EPB41L3: variants seen among roughly 807,000 people sequenced by gnomAD.
EPB41L3 encodes band 4.1-like protein 3.
EPB41L3 carries 57 observed loss-of-function variants against 127.1 expected under a neutral mutation model. The observed-to-expected ratio is 0.45, with a 90% confidence interval of 0.36 to 0.56. EPB41L3 has a LOEUF of 0.56. Among genes scored for constraint, EPB41L3 ranks in the 20% least tolerant of loss-of-function variants. The pLI is 0.00. For missense variants in EPB41L3, 1,273 were observed against 1,372.2 expected, an observed-to-expected ratio of 0.93 and a Z score of 1.14; for synonymous variants, 572 against 549.5, an observed-to-expected ratio of 1.04 and a Z score of -0.57.
intron 14 of EPB41L3, 53 bp downstream of exon 14, chr18:5,410,513 C>T (rs2076062489): frequency 2.2e-6 from 3 of 1,381,350 alleles, no homozygotes; most frequent in Non-Finnish European, 3.1e-6. Context: ...AGAGCCACCC[C>T]ACAAGGCATT....
intron 9 of EPB41L3, 146 bp downstream of exon 9, chr18:5,428,167 G>A: frequency 1.2e-6 from 1 of 832,026 alleles, no homozygotes; most frequent in Non-Finnish European, 1.9e-6. Flanking sequence ...TGTTTATTGG[G>A]CAAACCTACA....
chr18:5,547,289 C>G (rs10853333), upstream of EPB41L3, among the ~76,000 whole-genome samples: 83,973 of 152,114 alleles, frequency 0.55, 25,986 homozygotes, highest in Non-Finnish European at 0.68. Context: ...TGTAACCCCC[C>G]TTGTGGTGCT....
chr18:5,614,770 A>G (rs113721498), intron 1 of EPB41L3, among the ~76,000 whole-genome samples: 1,755 of 152,346 alleles, frequency 0.012, 21 homozygotes, highest in Non-Finnish European at 0.018. Flanking sequence ...GTGAGTTGTA[A>G]CTTTAGTGTC....
chr18:5,488,001 T>C (rs1450907597), intron 2 of EPB41L3, among the ~76,000 whole-genome samples: 2 of 152,178 alleles, frequency 1.3e-5, no homozygotes, highest in African/African-American at 4.8e-5. Flanking sequence ...CTTTACCACA[T>C]ACAAATCGGC....
intron 2 of EPB41L3, among the ~76,000 whole-genome samples, chr18:5,479,171 C>G (rs1372298948): frequency 1.3e-5 from 2 of 152,218 alleles, no homozygotes; most frequent in East Asian, 1.9e-4. Flanking sequence ...GTATACCAAT[C>G]TCTTTGGAAA....
At chr18:5,491,617 G>A (rs2148347453) in intron 1 of EPB41L3, among the ~76,000 whole-genome samples, 1 of 152,176 alleles carries the variant, frequency 6.6e-6, no homozygotes, top group Non-Finnish European at 1.5e-5. Context: ...CTTACCTGTT[G>A]TATATCACAC....
At chr18:5,495,479 C>T (rs2091072409) in intron 1 of EPB41L3, among the ~76,000 whole-genome samples, 1 of 151,022 alleles carries the variant, frequency 6.6e-6, no homozygotes, top group African/African-American at 2.4e-5. Flanking sequence ...CACATTCAGA[C>T]AGGTTACCTC....
rs183806050 is a variant in EPB41L3, at chr18:5,595,706, A to T, written c.-306+16634T>A. On this transcript the variant is annotated intron_variant, in intron 3 of 21. Transcript: ENST00000545076. ...GATACATACTACATACTTGATTTTTAAAAAAAGGCAACTGTAGTAAATTTA... is the reference window on the plus strand; with the variant it reads ...GATACATACTACATACTTGATTTTTTAAAAAAGGCAACTGTAGTAAATTTA... 1.1e-3 allele frequency among the ~76,000 whole-genome samples: 164 copies of T among 152,220 alleles called. No homozygotes were observed. The East Asian group carries it at 0.016, about 15-fold the overall frequency.
At chr18:5,423,612 T>C in intron 10 of EPB41L3, 59 bp from the exon 11 acceptor site, 1 of 1,462,132 alleles carries the variant, frequency 6.8e-7, no homozygotes, top group South Asian at 1.4e-5. Context: ...GAGAGTGCTT[T>C]TTAAACTTTT....
Position 5,612,165 on chromosome 18 carries a change from G to GGAAA in EPB41L3, c.-306+171_-306+174dup, listed in dbSNP as rs1156925525. Among the ~76,000 whole-genome samples the GGAAA allele has an allele frequency of 4.0e-5, 6 of 151,640 alleles. 1 individual carries two copies. The highest frequency in any genetic ancestry group is 2.0e-4 in the Admixed American group (3 of 15,236). On this transcript the variant is annotated intron_variant, in intron 3 of 21. Transcript: ENST00000545076. ...ACCCTGTGTAGACCCAATCTTGAAA[G>GGAAA]GAAAGCATGAATGGAAGTCAACAGT... is the stretch of plus-strand genomic sequence containing the variant.
At chr18:5,393,606 C>T (rs72865100) in intron 22 of EPB41L3, 128 bp from the exon 23 acceptor site, 16,404 of 587,794 alleles carry the variant, frequency 0.028, 418 homozygotes, top group Admixed American at 0.092. Context: ...GACATTCCAG[C>T]GTTAAGTCAC....
Position 5,419,822 on chromosome 18 carries a change from G to A in EPB41L3, c.1395C>T (p.Ile465=). The change falls in exon 12 of 23, where the codon ATC becomes ATT. Residue 465 remains isoleucine (I), a synonymous_variant. Transcript: ENST00000341928. Reference sequence around the variant, plus strand: ...CCTTCTTCTCCGGAGTCACAGTGGTGATCAAGTTGGTCTGAGAGATGCCTT... The same window carrying A: ...CCTTCTTCTCCGGAGTCACAGTGGTAATCAAGTTGGTCTGAGAGATGCCTT... The part of the protein sequence containing the change: ...TTKGISQTNL[I]TTVTPEKKAE... 6.2e-7 allele frequency: 1 copy of A among 1,614,208 alleles called. No individual in the cohort carries two copies.
chr18:5,443,439 G>A (rs1233703175), intron 5 of EPB41L3, among the ~76,000 whole-genome samples: 1 of 152,196 alleles, frequency 6.6e-6, no homozygotes, highest in Non-Finnish European at 1.5e-5. Context: ...CAGGAAAAGA[G>A]GTTGTTACCA....
At chr18:5,467,936 T>C (rs1203448960) in intron 3 of EPB41L3, among the ~76,000 whole-genome samples, 1 of 152,150 alleles carries the variant, frequency 6.6e-6, no homozygotes, top group Non-Finnish European at 1.5e-5. Flanking sequence ...GATTTGGGCA[T>C]CCCTGCACTC....
At chr18:5,555,030 C>G (rs1479573712) in intron 3 of EPB41L3, among the ~76,000 whole-genome samples, 1 of 152,232 alleles carries the variant, frequency 6.6e-6, no homozygotes, top group Admixed American at 6.5e-5. Flanking sequence ...CATGACATGG[C>G]TCACTTCTTT....
Position 5,471,981 on chromosome 18 carries a change from A to G in EPB41L3, c.381+6260T>C, listed in dbSNP as rs999173439. ...AGGCACTCAAGTTCCAAAGTCACTC[A>G]GCTTCCAAAACACAGCCTACAGTAT... On this transcript the variant is annotated intron_variant, in intron 3 of 22. Coordinates refer to ENST00000341928, the MANE Select transcript of EPB41L3 (RefSeq NM_012307.5). 5.3e-5 allele frequency among the ~76,000 whole-genome samples: 8 copies of G among 152,312 alleles called. 1 individual carries two copies. Among genetic ancestry groups the G allele is most frequent in the Admixed American group, 4.6e-4 (7 of 15,302 alleles).
chr18:5,407,117 ACT>A (rs2075526514), intron 15 of EPB41L3, 149 bp from the exon 16 acceptor site: 2 of 642,322 alleles, frequency 3.1e-6, no homozygotes, highest in Middle Eastern at 4.3e-4. Flanking sequence ...TACCACAAAC[ACT>A]CTGGTGAAAA....
chr18:5,481,912 A>AT (rs1213879443), intron 2 of EPB41L3, among the ~76,000 whole-genome samples: 1 of 152,196 alleles, frequency 6.6e-6, no homozygotes, highest in Non-Finnish European at 1.5e-5. Flanking sequence ...AACATATCCA[A>AT]TAAAAAACAA....
intron 12 of EPB41L3, 148 bp from the exon 13 acceptor site, chr18:5,416,526 T>G: frequency 1.3e-6 from 1 of 783,764 alleles, no homozygotes; most frequent in Non-Finnish European, 2.0e-6. Context: ...TCATGAATGT[T>G]AAAGTATTCA....
Sources: gnomAD v4.1 joint callset for allele counts (sites outside exome capture counted in the v4.1 genomes callset) on GRCh38, gnomAD v4.1.1 for gene constraint, MANE v1.5 for transcripts, NCBI Gene and HGNC (gene_info 2026-07-23, HGNC 2026-07-21) for gene names.